The following PFDN5 variants were observed in gnomAD, a reference collection of about 807,000 sequenced individuals.
PFDN5 encodes the protein prefoldin subunit 5.
PFDN5 carries 13 observed loss-of-function variants against 21.5 expected under a neutral mutation model. That is an observed-to-expected ratio of 0.60 (90% CI 0.39 to 0.96). The LOEUF (loss-of-function observed/expected upper bound fraction) is 0.96. PFDN5 is among the 40% of genes least tolerant of loss of function. PFDN5 has a pLI of 0.00. For missense variants in PFDN5, 188 were observed against 186.2 expected (o/e 1.01, Z -0.06); for synonymous variants, 84 against 68.9 (o/e 1.22, Z -1.08).
chr12:53,296,491 C>T (rs1257685344), intron 3 of PFDN5: 1 of 652,706 alleles, frequency 1.5e-6, no homozygotes. Context: ...TTACTGCAAC[C>T]TCCGCCTCCC....
At chr12:53,296,139 C>G in intron 2 of PFDN5, 105 bp from the exon 3 acceptor site, 1 of 1,024,344 alleles carries the variant, frequency 9.8e-7, no homozygotes, top group South Asian at 1.3e-5. Context: ...TGTTTCCGTT[C>G]TTTTCACACT....
At position 53,295,832 on chromosome 12, in the gene PFDN5, T is replaced by C. The variant is rs1944143369; in HGVS notation, c.73-7T>C. 2 of 1,553,818 alleles carry C rather than the reference T, an allele frequency of 1.3e-6. No individual in the cohort carries two copies. Among genetic ancestry groups the C allele is most frequent in the Non-Finnish European group, 1.8e-6 (2 of 1,125,186 alleles). ...TCTCATTGACCCGCTATCCCGGTCC[T>C]CTGTAGGAAGTGGAGTTCTTGTCCA... On this transcript the variant is annotated splice_region_variant and splice_polypyrimidine_tract_variant and intron_variant, in intron 1 of 5. Transcript: ENST00000334478.
At chr12:53,296,502 G>A (rs1191029928) in intron 3 of PFDN5, 5 of 637,432 alleles carry the variant, frequency 7.8e-6, no homozygotes, top group Admixed American at 5.2e-5. Context: ...TCCGCCTCCC[G>A]AGTTCAAGAG....
At chr12:53,295,711 G>A in intron 1 of PFDN5, 72 bp downstream of exon 1, 1 of 1,439,530 alleles carries the variant, frequency 6.9e-7, no homozygotes, top group South Asian at 1.1e-5. Context: ...TCTCGCGCCC[G>A]GTTCCAAGTT....
chr12:53,298,065 C>T lies in PFDN5; in HGVS notation c.303C>T (p.Asp101=). 5.6e-6 allele frequency: 9 copies of T among 1,612,940 alleles called. No individual in the cohort carries two copies. Among genetic ancestry groups the T allele is most frequent in the Non-Finnish European group, 7.6e-6 (9 of 1,178,910 alleles). ...YVEKTAEDAK[D]FFKRKIDFLT... Reference sequence around the variant, plus strand: ...TGTAGACAGCTGAGGATGCCAAGGACTTCTTCAAGAGGAAGATAGATTTTC... The same window carrying T: ...TGTAGACAGCTGAGGATGCCAAGGATTTCTTCAAGAGGAAGATAGATTTTC... Residue 101 remains aspartate (D), a synonymous_variant, in exon 5 of 6, where the codon GAC becomes GAT. Transcript: ENST00000334478.
In PFDN5 at chr12:53,295,647, C is replaced by G; in HGVS notation, c.72+8C>G. The stretch of plus-strand genomic sequence containing the variant: ...AAGAACCAGCTGGACCAGGTGGGGA[C>G]GGGCCCCAGAGGCACCTCTTTCCTG... On this transcript the variant is annotated splice_region_variant and intron_variant, in intron 1 of 5. Coordinates refer to ENST00000334478, the MANE Select transcript of PFDN5 (RefSeq NM_002624.4). 3 of 1,610,488 alleles carry G rather than the reference C, an allele frequency of 1.9e-6. No homozygotes were observed. Among genetic ancestry groups the G allele is most frequent in the Non-Finnish European group, 2.5e-6 (3 of 1,176,658 alleles).
At chr12:53,297,415 C>T (rs574939611) in intron 3 of PFDN5, 133 of 175,120 alleles carry the variant, frequency 7.6e-4, no homozygotes, top group Admixed American at 1.7e-3. Context: ...GGCGATAGAG[C>T]GAGACTCTGT....
chr12:53,298,662 A>T (rs1306571533), intron 5 of PFDN5: 1 of 159,680 alleles, frequency 6.3e-6, no homozygotes, highest in Non-Finnish European at 1.4e-5. Context: ...TAGTTTTCTG[A>T]TTATGTCAGA....
intron 3 of PFDN5, chr12:53,296,575 AT>A: frequency 4.3e-6 from 2 of 460,648 alleles, no homozygotes; most frequent in East Asian, 9.3e-5. Flanking sequence ...CGACCGGCTA[AT>A]TTTTGTATTA....
At position 53,299,321 on chromosome 12, in the gene PFDN5, A is replaced by G. The variant is rs1448098247; in HGVS notation, c.441A>G (p.Ala147=). The G allele has an allele frequency of 6.2e-7, 1 of 1,611,812 alleles. No homozygotes were observed. The highest frequency in any genetic ancestry group is 8.5e-7 in the Non-Finnish European group (1 of 1,178,790). The change falls in exon 6 of 6, where the codon GCA becomes GCG. Residue 147 remains alanine (A), a synonymous_variant. Transcript: ENST00000334478. ...TTCAGCAGCTCACAGCCCTGGGGGC[A>G]GCTCAGGCTACTGCTAAGGCCTGAG... The part of the protein sequence containing the change: ...QKIQQLTALG[A]AQATAKA
chr12:53,297,987 G>A, intron 4 of PFDN5, 58 bp from the exon 5 acceptor site: 1 of 1,561,812 alleles, frequency 6.4e-7, no homozygotes, highest in Non-Finnish European at 8.8e-7. Context: ...AAGCTCTAGA[G>A]CGCAGCATGG....
In PFDN5 at chr12:53,298,140, C is replaced by T; in HGVS notation, c.378C>T (p.Ala126=). ...KIQPALQEKH[A]MKQAVMEMMS... is the part of the protein sequence containing the mutation. ...AACCAGCTCTTCAGGAGAAGCACGCCATGAAACAGGGTAAGTTTTTCCTGG... is the reference window on the plus strand; with the variant it reads ...AACCAGCTCTTCAGGAGAAGCACGCTATGAAACAGGGTAAGTTTTTCCTGG... Residue 126 remains alanine (A), a synonymous_variant, in exon 5 of 6, where the codon GCC becomes GCT. Coordinates refer to ENST00000334478, the MANE Select transcript of PFDN5 (RefSeq NM_002624.4). The T allele has an allele frequency of 1.9e-6, 3 of 1,607,116 alleles. No individual in the cohort carries two copies. Among genetic ancestry groups the T allele is most frequent in the Non-Finnish European group, 2.6e-6 (3 of 1,173,600 alleles).
intron 3 of PFDN5, 172 bp from the exon 4 acceptor site, chr12:53,297,678 G>C (rs1254682204): frequency 1.7e-6 from 1 of 603,172 alleles, no homozygotes; most frequent in East Asian, 2.8e-5. Flanking sequence ...CAACTTCTCT[G>C]TCTTCTTTCC....
intron 3 of PFDN5, 166 bp downstream of exon 3, chr12:53,296,441 C>T (rs773147464): frequency 1.1e-5 from 8 of 701,534 alleles, no homozygotes; most frequent in African/African-American, 1.8e-5. Flanking sequence ...CGGAATTTCG[C>T]TCTGTCGCCC....
chr12:53,296,059 T>C (rs1944146168), intron 2 of PFDN5, 118 bp downstream of exon 2: 1 of 777,702 alleles, frequency 1.3e-6, no homozygotes, highest in Non-Finnish European at 2.2e-6. Context: ...GTATACCGCT[T>C]CATGAACCCT....
At chr12:53,296,190 C>T in intron 2 of PFDN5, 54 bp from the exon 3 acceptor site, 1 of 1,539,166 alleles carries the variant, frequency 6.5e-7, no homozygotes, top group Admixed American at 1.7e-5. Context: ...TCTTTAACGT[C>T]TTACGTTGGA....
At chr12:53,296,044 A>C in intron 2 of PFDN5, 103 bp downstream of exon 2, 1 of 801,182 alleles carries the variant, frequency 1.2e-6, no homozygotes, top group South Asian at 1.5e-5. Context: ...AATCCATTAC[A>C]TATCGTATAC....
Position 53,297,894 on chromosome 12 carries a change from C to T in PFDN5, c.252C>T (p.Ile84=), listed in dbSNP as rs746127563. The change falls in exon 4 of 6, where the codon ATC becomes ATT. Residue 84 remains isoleucine, a synonymous_variant. Transcript: ENST00000334478. ...TGCATGATGTGGAACACGTGCTCAT[C>T]GATGTGGGAACTGGGTACTATGTAG... ...GKLHDVEHVL[I]DVGTGYYVEK... is the part of the protein sequence containing the mutation. 21 of 1,612,988 alleles carry T rather than the reference C, an allele frequency of 1.3e-5. No individual in the cohort carries two copies. Among genetic ancestry groups the T allele is most frequent in the East Asian group, 2.2e-5 (1 of 44,886 alleles).
chr12:53,297,905 C>G lies in PFDN5; in HGVS notation c.263C>G (p.Thr88Ser), dbSNP rs150950257. 189 of 1,612,836 alleles carry G rather than the reference C, an allele frequency of 1.2e-4. No homozygotes were observed. Among genetic ancestry groups the G allele is most frequent in the Admixed American group, 3.3e-5 (2 of 59,996 alleles). The change falls in exon 4 of 6, where the codon ACT becomes AGT. Residue 88 changes from threonine to serine, a missense_variant. Transcript: ENST00000334478. Reference sequence around the variant, plus strand: ...GAACACGTGCTCATCGATGTGGGAACTGGGTACTATGTAGAGAAGGTGAGT... The same window carrying G: ...GAACACGTGCTCATCGATGTGGGAAGTGGGTACTATGTAGAGAAGGTGAGT... ...DVEHVLIDVG[T>S]GYYVEKTAED...
Sources: gnomAD v4.1 joint callset for allele counts on GRCh38, gnomAD v4.1.1 for gene constraint, MANE v1.5 for transcripts, NCBI Gene and HGNC (gene_info 2026-07-23, HGNC 2026-07-21) for gene names.